PLCXD3: variants seen among roughly 807,000 people sequenced by gnomAD.
PLCXD3 encodes phosphatidylinositol specific phospholipase C X domain containing 3, also known as PI-PLC X domain-containing protein 3.
PLCXD3 carries 19 observed loss-of-function variants against 25.5 expected under a neutral mutation model. The ratio of observed to expected loss-of-function variants is 0.75; its 90% CI spans 0.52 to 1.09. The LOEUF (loss-of-function observed/expected upper bound fraction) is 1.09. Ranked by LOEUF, PLCXD3 falls within the 50% of genes least tolerant of loss-of-function variation. The probability of loss-of-function intolerance (pLI) is 0.00; values close to 1 mark genes in which losing one functional copy is unlikely to be tolerated. For synonymous variants in PLCXD3, 174 were observed against 137.6 expected (o/e 1.26, Z -1.85); for missense variants, 411 against 388.1 (o/e 1.06, Z -0.50).
At chr5:41,395,236 T>C (rs1337578273) in intron 1 of PLCXD3, among the ~76,000 whole-genome samples, 3 of 152,066 alleles carry the variant, frequency 2.0e-5, no homozygotes, top group Non-Finnish European at 4.4e-5. Context: ...AGTGTATCAA[T>C]GAACAGGTTA....
rs141146199 is a variant in PLCXD3, at chr5:41,338,266, T to A, written c.813-24496A>T. ...CAAAAGGTTTTCTTGGCCACATAAG[T>A]GTAGGGAATGTTGAAGCCTCTTTGA... On this transcript the variant is annotated intron_variant, in intron 2 of 2. Transcript: ENST00000377801. 1.1e-3 allele frequency among the ~76,000 whole-genome samples: 168 copies of A among 152,276 alleles called. 1 individual carries two copies. The highest frequency in any genetic ancestry group is 3.7e-3 in the African/African-American group (152 of 41,572).
intron 2 of PLCXD3, among the ~76,000 whole-genome samples, chr5:41,359,295 C>T (rs950683167): frequency 4.6e-5 from 7 of 152,174 alleles, no homozygotes; most frequent in Admixed American, 2.6e-4. Context: ...GGATTGGTAC[C>T]AATTTTTCTT....
intron 2 of PLCXD3, among the ~76,000 whole-genome samples, chr5:41,350,688 C>T (rs895237404): frequency 6.6e-6 from 1 of 152,078 alleles, no homozygotes; most frequent in Non-Finnish European, 1.5e-5. Context: ...AAAAATTTCC[C>T]GAGTGTCCAC....
chr5:41,503,512 G>A lies in PLCXD3; in HGVS notation c.103+6912C>T, dbSNP rs183405377. 2.0e-3 allele frequency among the ~76,000 whole-genome samples: 301 copies of A among 152,216 alleles called. 1 individual carries two copies. Among genetic ancestry groups the A allele is most frequent in the African/African-American group, 6.7e-3 (278 of 41,534 alleles). ...CATCTGTTTCAGTACCTGACCTCCGGAGGTGACTAATCCTGGCTGCTTAGC... is the reference window on the plus strand; with the variant it reads ...CATCTGTTTCAGTACCTGACCTCCGAAGGTGACTAATCCTGGCTGCTTAGC... On this transcript the variant is annotated intron_variant, in intron 1 of 2. Transcript: ENST00000377801.
rs147868033 is a variant in PLCXD3 at position 41,434,675 on chromosome 5, T to A, written c.104-52141A>T. ...TATAAAGGGGGAAGCTTGGAATGGG[T>A]TCTTGAAAGATGGAAGGAATTTTGA... On this transcript the variant is annotated intron_variant, in intron 1 of 2. Transcript: ENST00000377801. Among the ~76,000 whole-genome samples the A allele has an allele frequency of 5.3e-3, 813 of 152,304 alleles. 3 individuals are homozygous for A. The highest frequency in any genetic ancestry group is 0.018 in the African/African-American group (743 of 41,562).
At chr5:41,381,629 G>A (rs905871788) in intron 2 of PLCXD3, among the ~76,000 whole-genome samples, 197 bp downstream of exon 2, 1 of 152,004 alleles carries the variant, frequency 6.6e-6, no homozygotes, top group Non-Finnish European at 1.5e-5. Flanking sequence ...TGCTGACATT[G>A]ATTTCAGACT....
At chr5:41,337,540 A>G (rs1744020067) in intron 2 of PLCXD3, among the ~76,000 whole-genome samples, 1 of 152,174 alleles carries the variant, frequency 6.6e-6, no homozygotes, top group Admixed American at 6.6e-5. Context: ...TTAAAAGCCA[A>G]ATTCAGAAAT....
chr5:41,407,024 G>A (rs1010057423), intron 1 of PLCXD3, among the ~76,000 whole-genome samples: 1 of 152,154 alleles, frequency 6.6e-6, no homozygotes, highest in Non-Finnish European at 1.5e-5. Context: ...GTCATCTGCT[G>A]AGTCTGCCTG....
intron 1 of PLCXD3, among the ~76,000 whole-genome samples, chr5:41,386,219 G>A (rs891211966): frequency 1.3e-5 from 2 of 152,072 alleles, no homozygotes; most frequent in African/African-American, 4.8e-5. Flanking sequence ...CTTGAAAACT[G>A]TATCAGGTAT....
At chr5:41,461,345 A>G (rs1331685710) in intron 1 of PLCXD3, among the ~76,000 whole-genome samples, 1 of 151,966 alleles carries the variant, frequency 6.6e-6, no homozygotes, top group Non-Finnish European at 1.5e-5. Flanking sequence ...CCTACTAAAG[A>G]TCAGAAAATT....
At chr5:41,473,385 A>G (rs562009721) in intron 1 of PLCXD3, among the ~76,000 whole-genome samples, 52 of 152,256 alleles carry the variant, frequency 3.4e-4, no homozygotes, top group Non-Finnish European at 6.3e-4. Context: ...GAGAAATGCA[A>G]TAAGTAAACT....
At chr5:41,319,658 A>G (rs898434965) in intron 2 of PLCXD3, among the ~76,000 whole-genome samples, 2 of 152,182 alleles carry the variant, frequency 1.3e-5, no homozygotes, top group African/African-American at 2.4e-5. Context: ...GTCCCAAAAG[A>G]GAAAAAACTT....
intron 1 of PLCXD3, chr5:41,456,444 G>T: frequency 1.8e-6 from 1 of 543,872 alleles, no homozygotes; most frequent in Non-Finnish European, 2.3e-6. Context: ...TTCTAAAAGA[G>T]ATAAATTCAG....
chr5:41,382,271 CA>C lies in PLCXD3; in HGVS notation c.366del (p.Asn122LysfsTer18). 1.2e-6 allele frequency: 2 copies of C among 1,613,700 alleles called. No homozygotes were observed. The highest frequency in any genetic ancestry group is 1.7e-6 in the Non-Finnish European group (2 of 1,179,772). On this transcript the variant is annotated frameshift_variant, in exon 2 of 3. Transcript: ENST00000377801. LOFTEE classifies it high-confidence loss of function. ...AATGCATTGATCTCCTCAAGGCCTT[CA>C]TTGACTTTGGCACTGAACAAACCAT... ...FAHGLFSAKV[N>X]EGLEEINAFL...
At position 41,308,242 on chromosome 5, in the gene PLCXD3, A is replaced by G. The variant is rs1195177258; in HGVS notation, c.*5375T>C. On this transcript the variant is annotated 3_prime_UTR_variant, in exon 3 of 3. Coordinates refer to ENST00000377801, the MANE Select transcript of PLCXD3 (RefSeq NM_001005473.3). ...AGAATTGTGAGATTTAGGAAAAAAT[A>G]TATAGGACATACCCAGTTACATTTG... is the stretch of plus-strand genomic sequence containing the variant. 2 of 152,170 alleles carry G rather than the reference A, an allele frequency of 1.3e-5. No individual in the cohort carries two copies. The highest frequency in any genetic ancestry group is 2.9e-5 in the Non-Finnish European group (2 of 68,036). 9.4% of individuals were successfully genotyped at this position (152,170 alleles called of 1,614,324 possible).
At chr5:41,398,605 C>T (rs1257110868) in intron 1 of PLCXD3, among the ~76,000 whole-genome samples, 4 of 152,034 alleles carry the variant, frequency 2.6e-5, no homozygotes, top group Admixed American at 6.6e-5. Flanking sequence ...TACGTCATAT[C>T]AACAGAATGA....
Position 41,448,973 on chromosome 5 carries a change from T to C in PLCXD3, c.103+61451A>G, listed in dbSNP as rs142827894. Among the ~76,000 whole-genome samples, 1,081 of 152,302 alleles carry C rather than the reference T, an allele frequency of 7.1e-3. 20 individuals are homozygous for C. The highest frequency in any genetic ancestry group is 0.025 in the African/African-American group (1,026 of 41,564). ...AATGCTAAACATGCACACCTTTCCC[T>C]TTCTGCACCTGCAAAACTTTCTGTA... On this transcript the variant is annotated intron_variant, in intron 1 of 2. Coordinates refer to ENST00000377801, the MANE Select transcript of PLCXD3 (RefSeq NM_001005473.3).
At chr5:41,342,708 A>G (rs1167057174) in intron 2 of PLCXD3, among the ~76,000 whole-genome samples, 4 of 152,170 alleles carry the variant, frequency 2.6e-5, no homozygotes, top group Admixed American at 2.6e-4. Context: ...TGTAGGAGAA[A>G]TTTCAAAACA....
chr5:41,452,873 G>A lies in PLCXD3; in HGVS notation c.103+57551C>T, dbSNP rs368574837. Among the ~76,000 whole-genome samples, 9 of 151,862 alleles carry A rather than the reference G, an allele frequency of 5.9e-5. No homozygotes were observed. In the South Asian group the frequency reaches 6.2e-4, roughly 11 times the overall value. On this transcript the variant is annotated intron_variant, in intron 1 of 2. Coordinates refer to ENST00000377801, the MANE Select transcript of PLCXD3 (RefSeq NM_001005473.3). ...TTATCTTTCTTTCTTGTTTTTCTTC[G>A]TTTTATTTTTAATTTACAAATAAAA... is the stretch of plus-strand genomic sequence containing the variant.
Sources: allele counts gnomAD v4.1 joint callset (sites outside exome capture counted in the v4.1 genomes callset), GRCh38; gene constraint gnomAD v4.1.1; transcripts MANE v1.5; gene names NCBI Gene and HGNC (gene_info 2026-07-23, HGNC 2026-07-21).